ANKRD62: variants seen among roughly 807,000 people sequenced by gnomAD.
ANKRD62 encodes ankyrin repeat domain 62.
In ANKRD62, 61 loss-of-function variants were observed where a neutral mutation model predicts 98.8. The observed-to-expected ratio is 0.62, with a 90% CI of 0.50 to 0.76. ANKRD62 has a LOEUF of 0.76. Among genes scored for constraint, ANKRD62 ranks in the 30% least tolerant of loss-of-function variants. ANKRD62 has a pLI of 0.00. For missense variants in ANKRD62, 933 were observed against 1,082.9 expected (o/e 0.86, Z 1.94); for synonymous variants, 341 against 367.9 (o/e 0.93, Z 0.84).
At chr18:12,095,081 C>A in intron 1 of ANKRD62, 90 bp from the exon 2 acceptor site, 1 of 925,470 alleles carries the variant, frequency 1.1e-6, no homozygotes, top group Non-Finnish European at 1.7e-6. Flanking sequence ...AGAGGGATAA[C>A]ATACTATTGG....
chr18:12,152,391 T>C, the ANKRD62 span, among the ~76,000 whole-genome samples: 1 of 152,128 alleles, frequency 6.6e-6, no homozygotes, highest in South Asian at 2.1e-4. Context: ...TCCACCACGA[T>C]CAAGTAGGCT....
chr18:12,156,745 CTT>C, the ANKRD62 span, among the ~76,000 whole-genome samples: 4 of 152,024 alleles, frequency 2.6e-5, no homozygotes, highest in Middle Eastern at 3.4e-3. Context: ...TTAGTTCTCT[CTT>C]GAATATTTTT....
chr18:12,125,799 C>A lies in ANKRD62; in HGVS notation c.1978C>A (p.Leu660Met). Reference sequence around the variant, plus strand: ...AGAAATGGAATCATACCGTTGTAGACTGGCTGCTGCCCTATGTGATCATGA... The same window carrying A: ...AGAAATGGAATCATACCGTTGTAGAATGGCTGCTGCCCTATGTGATCATGA... ...ETEMESYRCRLAAALCDHDQR... is the reference protein window; with the variant it reads ...ETEMESYRCRMAAALCDHDQR... Residue 660 changes from leucine to methionine, a missense_variant, in exon 13 of 14, where the codon CTG (leucine) becomes ATG (methionine). Physicochemically the swap from Leu to Met is conservative, Grantham distance 15 (BLOSUM62 2). This residue lies in a region of ANKRD62 where 362 missense variants were observed against 434.5 expected (regional missense o/e 0.83). Transcript: ENST00000587848. The A allele has an allele frequency of 6.5e-7, 1 of 1,549,424 alleles. No individual in the cohort carries two copies. Among genetic ancestry groups the A allele is most frequent in the Middle Eastern group, 1.7e-4 (1 of 5,990 alleles).
In ANKRD62 at chr18:12,095,458, G is replaced by C; in HGVS notation, c.355G>C (p.Val119Leu). ...ACAGGCTGTACAATGTCAAGAAGAA[G>C]TTTGTGCATCCATCCTGCTGGAACA... The part of the protein sequence containing the change: ...LIKAVQCQEE[V>L]CASILLEHGA... The change falls in exon 3 of 14, where the codon GTT (valine) becomes CTT (leucine). Residue 119 changes from valine (V) to leucine (L), a missense_variant. Val to Leu is a conservative substitution (Grantham distance 32, BLOSUM62 1). Around this residue, in one of 3 missense-constraint regions of ANKRD62, gnomAD observed 549 missense variants for 587.9 expected, o/e 0.93. Coordinates refer to ENST00000587848, the MANE Select transcript of ANKRD62 (RefSeq NM_001277333.2). The C allele has an allele frequency of 6.3e-7, 1 of 1,574,888 alleles. No individual in the cohort carries two copies. The highest frequency in any genetic ancestry group is 8.6e-7 in the Non-Finnish European group (1 of 1,165,342).
intron 11 of ANKRD62, among the ~76,000 whole-genome samples, chr18:12,123,037 TTTG>T (rs928192283): frequency 1.0e-4 from 15 of 144,032 alleles, no homozygotes; most frequent in African/African-American, 3.2e-4. Context: ...ACCAGTTTTT[TTTG>T]TTTGTTTGTT....
At chr18:12,136,970 G>A in the ANKRD62 span, among the ~76,000 whole-genome samples, 2 of 151,974 alleles carry the variant, frequency 1.3e-5, no homozygotes, top group Non-Finnish European at 2.9e-5. Flanking sequence ...GGGTTTTCTA[G>A]ATATACAATC....
downstream of ANKRD62, among the ~76,000 whole-genome samples, chr18:12,130,813 T>C (rs1909992179): frequency 6.6e-6 from 1 of 152,064 alleles, no homozygotes; most frequent in African/African-American, 2.4e-5. Flanking sequence ...TGCCCCAGCC[T>C]CCCAAGTAGC....
At chr18:12,161,041 C>A in the ANKRD62 span, among the ~76,000 whole-genome samples, 7 of 152,000 alleles carry the variant, frequency 4.6e-5, no homozygotes. Context: ...GTAGAAAATA[C>A]CCAGATTTAC....
chr18:12,121,269 T>G (rs919623019), intron 10 of ANKRD62, among the ~76,000 whole-genome samples: 5 of 152,220 alleles, frequency 3.3e-5, no homozygotes, highest in African/African-American at 4.8e-5. Flanking sequence ...TTGTTCTTGC[T>G]TTTAGATTTT....
chr18:12,097,592 A>G (rs1404093054), intron 4 of ANKRD62, 48 bp from the exon 5 acceptor site: 17 of 1,495,742 alleles, frequency 1.1e-5, no homozygotes, highest in Non-Finnish European at 1.5e-5. Flanking sequence ...AGCTTTTAAC[A>G]TAGCTTTGCT....
the ANKRD62 span, among the ~76,000 whole-genome samples, chr18:12,144,988 C>CA: frequency 2.0e-5 from 3 of 150,222 alleles, no homozygotes; most frequent in African/African-American, 7.3e-5. Flanking sequence ...ACTAAAACTC[C>CA]AAAAATTAGC....
chr18:12,122,129 A>G (rs1227133724), intron 10 of ANKRD62, among the ~76,000 whole-genome samples, 174 bp from the exon 11 acceptor site: 1 of 152,212 alleles, frequency 6.6e-6, no homozygotes, highest in Non-Finnish European at 1.5e-5. Context: ...ACAAGATCAG[A>G]TGTGTTGTCT....
chr18:12,115,316 A>G, intron 9 of ANKRD62, 77 bp from the exon 10 acceptor site: 1 of 1,348,224 alleles, frequency 7.4e-7, no homozygotes, highest in Non-Finnish European at 9.7e-7. Flanking sequence ...AAAGACGGAT[A>G]ATTCCCACTG....
At chr18:12,131,827 A>T (rs1910010508), downstream of ANKRD62, among the ~76,000 whole-genome samples, 1 of 152,144 alleles carries the variant, frequency 6.6e-6, no homozygotes, top group East Asian at 1.9e-4. Context: ...TCTTTATGCC[A>T]AAATCACACT....
At chr18:12,152,928 A>G in the ANKRD62 span, among the ~76,000 whole-genome samples, 3,490 of 152,272 alleles carry the variant, frequency 0.023, 131 homozygotes, top group African/African-American at 0.077. Flanking sequence ...TCAGCCAAAA[A>G]TCTCCTTAAG....
chr18:12,140,405 TGGA>T, the ANKRD62 span, among the ~76,000 whole-genome samples: 1 of 152,232 alleles, frequency 6.6e-6, no homozygotes, highest in African/African-American at 2.4e-5. Flanking sequence ...TGCGTTCCTT[TGGA>T]GGAGAAGAGG....
chr18:12,101,261 G>A (rs1172540486), intron 6 of ANKRD62, among the ~76,000 whole-genome samples: 2 of 152,012 alleles, frequency 1.3e-5, no homozygotes, highest in African/African-American at 4.8e-5. Flanking sequence ...CCCATAGTGG[G>A]AAAATAGCAA....
intron 10 of ANKRD62, among the ~76,000 whole-genome samples, chr18:12,115,909 C>A (rs1417412924): frequency 6.6e-6 from 1 of 152,150 alleles, no homozygotes; most frequent in Non-Finnish European, 1.5e-5. Context: ...TAATTATATA[C>A]ATTTTTAAAA....
chr18:12,130,773 A>G (rs1467627374), downstream of ANKRD62, among the ~76,000 whole-genome samples: 2 of 151,980 alleles, frequency 1.3e-5, no homozygotes, highest in African/African-American at 2.4e-5. Context: ...GCTCACTGCA[A>G]CCTCTGCCTC....
Sources: allele counts gnomAD v4.1 joint callset (sites outside exome capture counted in the v4.1 genomes callset), GRCh38; gene constraint gnomAD v4.1.1; regional missense constraint gnomAD v4.1.1; transcripts MANE v1.5; gene names NCBI Gene and HGNC (gene_info 2026-07-23, HGNC 2026-07-21).